The following NKAIN2 variants were observed in gnomAD, a reference collection of about 807,000 sequenced individuals.
The protein encoded by NKAIN2 is sodium/potassium-transporting ATPase subunit beta-1-interacting protein 2.
Under a neutral mutation model 32.6 loss-of-function variants are expected in NKAIN2, and 14 were observed. The observed-to-expected ratio is 0.43, with a 90% CI of 0.28 to 0.67. NKAIN2 has a LOEUF of 0.67. Among genes scored for constraint, NKAIN2 ranks in the 30% least tolerant of loss-of-function variants. NKAIN2 has a pLI of 0.17. For missense variants in NKAIN2, 198 were observed against 258.3 expected (o/e 0.77, Z 1.60); for synonymous variants, 80 against 87.2 (o/e 0.92, Z 0.46).
chr6:124,057,383 A>G (rs954853999), intron 1 of NKAIN2, among the ~76,000 whole-genome samples: 1 of 152,114 alleles, frequency 6.6e-6, no homozygotes, highest in African/African-American at 2.4e-5. Context: ...CGCAGCTTCA[A>G]TTTGATTAAG....
At chr6:124,114,412 TA>T (rs1047624097) in intron 1 of NKAIN2, among the ~76,000 whole-genome samples, 2 of 152,016 alleles carry the variant, frequency 1.3e-5, no homozygotes, top group Admixed American at 6.6e-5. Context: ...AAAAGGAATA[TA>T]AAAAATTCAG....
intron 1 of NKAIN2, among the ~76,000 whole-genome samples, chr6:124,002,704 C>T (rs775303515): frequency 5.9e-5 from 9 of 152,112 alleles, no homozygotes; most frequent in South Asian, 2.1e-4. Flanking sequence ...CTTTCTTTTA[C>T]GCCTTTATTG....
At chr6:124,322,877 C>A (rs538179342) in intron 2 of NKAIN2, among the ~76,000 whole-genome samples, 47 of 152,278 alleles carry the variant, frequency 3.1e-4, no homozygotes, top group Admixed American at 8.5e-4. Flanking sequence ...TACAATTTTA[C>A]ATCCTCACCA....
At chr6:124,351,812 G>A (rs899352070) in intron 2 of NKAIN2, among the ~76,000 whole-genome samples, 1 of 151,994 alleles carries the variant, frequency 6.6e-6, no homozygotes, top group African/African-American at 2.4e-5. Flanking sequence ...AGTAGAGATG[G>A]GGTTTTGCCA....
At chr6:123,835,712 C>T (rs1461136462) in intron 1 of NKAIN2, among the ~76,000 whole-genome samples, 2 of 152,152 alleles carry the variant, frequency 1.3e-5, no homozygotes, top group East Asian at 3.9e-4. Flanking sequence ...CTCTTCAAAA[C>T]AATTGTGTTG....
At chr6:123,944,770 C>T (rs547797098) in intron 1 of NKAIN2, among the ~76,000 whole-genome samples, 3 of 151,696 alleles carry the variant, frequency 2.0e-5, no homozygotes, top group African/African-American at 7.2e-5. Context: ...TTTTTTTATT[C>T]AGTAGCAACT....
intron 1 of NKAIN2, among the ~76,000 whole-genome samples, chr6:124,197,417 G>C (rs1027807406): frequency 3.9e-5 from 6 of 151,918 alleles, no homozygotes; most frequent in African/African-American, 1.5e-4. Context: ...TTGGAATTCA[G>C]GTTATTTGGT....
At chr6:124,400,301 G>A (rs1773570561) in intron 3 of NKAIN2, among the ~76,000 whole-genome samples, 1 of 151,448 alleles carries the variant, frequency 6.6e-6, no homozygotes, top group African/African-American at 2.4e-5. Flanking sequence ...AGCCAGAGTT[G>A]AAAACCACTG....
intron 2 of NKAIN2, among the ~76,000 whole-genome samples, chr6:124,328,846 A>T (rs937204770): frequency 6.6e-6 from 1 of 152,224 alleles, no homozygotes; most frequent in Admixed American, 6.5e-5. Flanking sequence ...TACTGGAAGA[A>T]TAAGAGCTTA....
chr6:124,534,163 G>A (rs1281869786), intron 3 of NKAIN2, among the ~76,000 whole-genome samples: 1 of 151,704 alleles, frequency 6.6e-6, no homozygotes, highest in Non-Finnish European at 1.5e-5. Flanking sequence ...TTTTTGGGGG[G>A]CATTGGGGGA....
At chr6:124,051,360 A>C (rs1198097994) in intron 1 of NKAIN2, among the ~76,000 whole-genome samples, 1 of 152,070 alleles carries the variant, frequency 6.6e-6, no homozygotes, top group Admixed American at 6.6e-5. Flanking sequence ...CAATTTTTTA[A>C]TAATAGTGAC....
rs560414589 is a variant in NKAIN2 at position 124,383,586 on chromosome 6, C to G, written c.273+28239C>G. On this transcript the variant is annotated intron_variant, in intron 3 of 6. Coordinates refer to ENST00000368417, the MANE Select transcript of NKAIN2 (RefSeq NM_001040214.3). ...GGCCACACACGTGCTGTTCCCTCAG[C>G]CTGGCAGAGTGTTCCTTCATTCTTA... is the stretch of plus-strand genomic sequence containing the variant. Among the ~76,000 whole-genome samples the G allele has an allele frequency of 2.6e-5, 4 of 152,248 alleles. No individual in the cohort carries two copies. The South Asian group carries it at 8.3e-4, about 32-fold the overall frequency.
chr6:123,925,248 C>A (rs1253385037), intron 1 of NKAIN2, among the ~76,000 whole-genome samples: 1 of 152,032 alleles, frequency 6.6e-6, no homozygotes, highest in East Asian at 1.9e-4. Flanking sequence ...TTTTTATACC[C>A]AATGCTAAGT....
chr6:124,596,754 T>C (rs1782109368), intron 3 of NKAIN2, among the ~76,000 whole-genome samples: 1 of 151,976 alleles, frequency 6.6e-6, no homozygotes, highest in East Asian at 1.9e-4. Context: ...TACATGTATA[T>C]ACACAGAGGT....
chr6:124,230,393 C>A (rs1582889293), intron 1 of NKAIN2, among the ~76,000 whole-genome samples: 1 of 152,078 alleles, frequency 6.6e-6, no homozygotes. Flanking sequence ...GATAGAAAAC[C>A]AAGTCTCATT....
intron 3 of NKAIN2, among the ~76,000 whole-genome samples, chr6:124,640,001 G>A (rs527754305): frequency 1.3e-5 from 2 of 152,144 alleles, no homozygotes; most frequent in South Asian, 4.1e-4. Flanking sequence ...CCAACACAAA[G>A]GATAAATATT....
intron 1 of NKAIN2, among the ~76,000 whole-genome samples, chr6:123,922,589 G>A (rs1046402657): frequency 6.6e-6 from 1 of 152,016 alleles, no homozygotes; most frequent in African/African-American, 2.4e-5. Context: ...TTTGGGGTGG[G>A]GAAAGGGCAA....
chr6:124,269,199 C>T (rs1794634063), intron 1 of NKAIN2, among the ~76,000 whole-genome samples: 1 of 152,080 alleles, frequency 6.6e-6, no homozygotes, highest in African/African-American at 2.4e-5. Flanking sequence ...ATTACACTTA[C>T]CCATGGAAAG....
At chr6:124,769,878 A>G (rs1010288913) in intron 4 of NKAIN2, among the ~76,000 whole-genome samples, 1 of 152,160 alleles carries the variant, frequency 6.6e-6, no homozygotes, top group African/African-American at 2.4e-5. Flanking sequence ...CACACTCTAT[A>G]TTGACATTCT....
Sources: gnomAD v4.1 joint callset for allele counts (sites outside exome capture counted in the v4.1 genomes callset) on GRCh38, gnomAD v4.1.1 for gene constraint, MANE v1.5 for transcripts, NCBI Gene and HGNC (gene_info 2026-07-23, HGNC 2026-07-21) for gene names.